Variants in XPC observed in about 807,000 individuals in gnomAD.
XPC encodes DNA repair protein complementing XP-C cells.
Under a neutral mutation model 95.8 loss-of-function variants are expected in XPC, and 76 were observed. The observed-to-expected ratio is 0.79, with a 90% CI of 0.66 to 0.96. The LOEUF (loss-of-function observed/expected upper bound fraction) is 0.96, where lower values mean the gene tolerates loss of function less well. Among genes scored for constraint, XPC ranks in the 40% least tolerant of loss-of-function variants. The pLI is 0.00. For missense variants in XPC, 1,146 were observed against 1,179.8 expected (o/e 0.97, Z 0.42); for synonymous variants, 442 against 442.1 (o/e 1.00, Z 0.00).
chr3:14,176,559 T>G (rs1332457623), intron 1 of XPC, among the ~76,000 whole-genome samples: 1 of 152,248 alleles, frequency 6.6e-6, no homozygotes, highest in Non-Finnish European at 1.5e-5. Context: ...TAGTAGATAC[T>G]CAAAAGATGT....
chr3:14,157,822 T>TCAACTCCACAACTTTTTACACTA (rs1695980591), intron 9 of XPC, among the ~76,000 whole-genome samples, 189 bp downstream of exon 9: 1 of 152,212 alleles, frequency 6.6e-6, no homozygotes, highest in Non-Finnish European at 1.5e-5. Context: ...AGTTCATCTT[T>TCAACTCCACAACTTTTTACACTA]CAACTCCACA....
chr3:14,159,754 G>T lies in XPC; in HGVS notation c.977C>A (p.Ser326Ter). 1 of 1,562,728 alleles carries T rather than the reference G, an allele frequency of 6.4e-7. No homozygotes were observed. The highest frequency in any genetic ancestry group is 8.7e-7 in the Non-Finnish European group (1 of 1,153,116). Residue 326 changes from serine (S) to a stop codon, truncating the protein, a stop_gained, in exon 8 of 16, where the codon TCA (serine) becomes TAA (stop). Transcript: ENST00000285021. LOFTEE classifies it high-confidence loss of function. ...VLSLQPIPLK[S>*]ATAKGKKPSK... is the part of the protein sequence containing the mutation. Reference sequence around the variant, plus strand: ...TGCGCACCTCACCTTTGCTGTTGCTGACTTCAGAGGAATTGGCTGTAGAGA... The same window carrying T: ...TGCGCACCTCACCTTTGCTGTTGCTTACTTCAGAGGAATTGGCTGTAGAGA...
intron 6 of XPC, 44 bp from the exon 7 acceptor site, chr3:14,164,977 AG>A: frequency 1.3e-6 from 2 of 1,568,718 alleles, no homozygotes; most frequent in Non-Finnish European, 8.6e-7. Flanking sequence ...GTCAGGGCAA[AG>A]GGGAATTTTC....
rs768979551 is a variant in XPC, at chr3:14,158,060, C to T, written c.1823G>A (p.Arg608Lys). The T allele has an allele frequency of 8.2e-5, 133 of 1,613,368 alleles. No individual in the cohort carries two copies. The Middle Eastern group carries it at 5.6e-3, about 68-fold the overall frequency. The part of the protein sequence containing the change: ...VDAEWWAETL[R>K]PYQSPFMDRE... ...GTCCATAAATGGGCTCTGGTATGGT[C>T]TCAAGGTCTCGGCCCACCACTCAGC... Residue 608 changes from arginine to lysine, a missense_variant, in exon 9 of 16, where the codon AGA becomes AAA. Arg to Lys is a conservative substitution (Grantham distance 26). Transcript: ENST00000285021. This position sits in a 1 kb window ranked among gnomAD's most constrained non-coding sequence, Gnocchi z 5.2.
Position 14,158,156 on chromosome 3 carries a change from C to G in XPC, c.1727G>C (p.Gly576Ala), listed in dbSNP as rs761163656. The change falls in exon 9 of 16, where the codon GGC (glycine) becomes GCC (alanine). Residue 576 changes from glycine (G) to alanine (A), a missense_variant. By Grantham distance (60) the Gly-to-Ala change is moderately conservative. Transcript: ENST00000285021. This position sits in a 1 kb window ranked among gnomAD's most constrained non-coding sequence, Gnocchi z 5.2. Reference sequence around the variant, plus strand: ...CCTCTGTGTGACATCTCGGACCCAGCCGTCACTGTCAATGCCCACCACATA... The same window carrying G: ...CCTCTGTGTGACATCTCGGACCCAGGCGTCACTGTCAATGCCCACCACATA... ...MTYVVGIDSDGWVRDVTQRYD... is the reference protein window; with the variant it reads ...MTYVVGIDSDAWVRDVTQRYD... The G allele has an allele frequency of 6.2e-7, 1 of 1,613,848 alleles. No homozygotes were observed. Among genetic ancestry groups the G allele is most frequent in the Non-Finnish European group, 8.5e-7 (1 of 1,179,906 alleles).
chr3:14,146,294 GC>G, intron 15 of XPC, 135 bp from the exon 16 acceptor site: 1 of 817,206 alleles, frequency 1.2e-6, no homozygotes, highest in Non-Finnish European at 1.9e-6. Flanking sequence ...ATGGGACAGG[GC>G]AGGGAGAGAG....
intron 2 of XPC, among the ~76,000 whole-genome samples, chr3:14,171,886 A>G (rs1696630106): frequency 1.3e-5 from 2 of 152,128 alleles, no homozygotes; most frequent in South Asian, 4.1e-4. Flanking sequence ...GAAAAGGAGA[A>G]GAGATGGATC....
At chr3:14,166,282 C>T (rs958188352) in intron 5 of XPC, among the ~76,000 whole-genome samples, 2 of 152,126 alleles carry the variant, frequency 1.3e-5, no homozygotes, top group Non-Finnish European at 2.9e-5. Flanking sequence ...ACCTGAGAGT[C>T]ATCTTCCCTT....
intron 7 of XPC, among the ~76,000 whole-genome samples, chr3:14,162,984 C>T (rs1258860852): frequency 1.3e-5 from 2 of 152,064 alleles, no homozygotes; most frequent in East Asian, 1.9e-4. Flanking sequence ...AAAAAAGATA[C>T]ACAAATGACC....
chr3:14,167,301 C>G (rs1696424225), intron 4 of XPC, 48 bp from the exon 5 acceptor site: 2 of 1,503,812 alleles, frequency 1.3e-6, no homozygotes, highest in East Asian at 4.7e-5. Flanking sequence ...GAACTGAAAC[C>G]AGACTCCACT....
intron 11 of XPC, among the ~76,000 whole-genome samples, chr3:14,150,361 A>C (rs1228879611): frequency 1.3e-5 from 2 of 152,184 alleles, no homozygotes; most frequent in Non-Finnish European, 2.9e-5. Context: ...TATTCTTCTC[A>C]TTCTTATAAC....
intron 1 of XPC, among the ~76,000 whole-genome samples, chr3:14,174,394 A>G (rs1378334282): frequency 1.3e-5 from 2 of 152,008 alleles, no homozygotes; most frequent in African/African-American, 4.8e-5. Flanking sequence ...TAGCCCTCTA[A>G]TAATAGGCAA....
chr3:14,172,689 T>C (rs1696659034), intron 2 of XPC, among the ~76,000 whole-genome samples, 178 bp downstream of exon 2: 2 of 152,220 alleles, frequency 1.3e-5, no homozygotes, highest in African/African-American at 4.8e-5. Flanking sequence ...TACTGCATGC[T>C]GTCACTGTTC....
In XPC at chr3:14,168,402, A is replaced by G. The variant is rs571150455; in HGVS notation, c.413-22T>C. On this transcript the variant is annotated intron_variant, in intron 3 of 15. Coordinates refer to ENST00000285021, the MANE Select transcript of XPC (RefSeq NM_004628.5). ...AGTTCTATCAACAAGCATTTTTAAAAATCAGTAATAGTAATAACAATAATA... is the reference window on the plus strand; with the variant it reads ...AGTTCTATCAACAAGCATTTTTAAAGATCAGTAATAGTAATAACAATAATA... 6.8e-6 allele frequency: 11 copies of G among 1,613,274 alleles called. No individual in the cohort carries two copies. In the African/African-American group the frequency reaches 1.3e-4, roughly 20 times the overall value.
chr3:14,177,631 C>T (rs975348963), intron 1 of XPC, among the ~76,000 whole-genome samples: 1 of 150,430 alleles, frequency 6.6e-6, no homozygotes, highest in African/African-American at 2.5e-5. Flanking sequence ...TCTTGTAGGC[C>T]AGGATAAAAC....
At position 14,148,598 on chromosome 3, in the gene XPC, G is replaced by C. The variant is rs1232809838; in HGVS notation, c.2384C>G (p.Thr795Ser). The change falls in exon 13 of 16, where the codon ACT (threonine) becomes AGT (serine). Residue 795 changes from threonine (T) to serine (S), a missense_variant. By Grantham distance (58) the Thr-to-Ser change is moderately conservative. Coordinates refer to ENST00000285021, the MANE Select transcript of XPC (RefSeq NM_004628.5). ...KLDIDCVQAI[T>S]GFDFHGGYSH... ...GTAGCCGCCATGGAAATCAAAGCCA[G>C]TGATGGCCTGGACACAGTCGATGTC... The C allele has an allele frequency of 3.7e-6, 6 of 1,613,908 alleles. No individual in the cohort carries two copies. The highest frequency in any genetic ancestry group is 3.4e-6 in the Non-Finnish European group (4 of 1,179,906).
At chr3:14,146,361 G>A (rs1199845862) in intron 15 of XPC, among the ~76,000 whole-genome samples, 2 of 152,032 alleles carry the variant, frequency 1.3e-5, no homozygotes, top group African/African-American at 2.4e-5. Flanking sequence ...GCAGACACTG[G>A]AGCACCTGCT....
At chr3:14,157,976 CTG>C (rs1574961103) in intron 9 of XPC, 33 bp downstream of exon 9, 1 of 1,560,276 alleles carries the variant, frequency 6.4e-7, no homozygotes, top group Non-Finnish European at 8.7e-7. Flanking sequence ...AATAACCTGA[CTG>C]TGTCTTGGAG....
chr3:14,146,936 A>AC (rs1414394317), intron 15 of XPC, among the ~76,000 whole-genome samples: 3 of 152,214 alleles, frequency 2.0e-5, no homozygotes, highest in African/African-American at 7.2e-5. Context: ...GGCCTGCAGC[A>AC]TGGTCACAGG....
Sources: allele counts gnomAD v4.1 joint callset (sites outside exome capture counted in the v4.1 genomes callset), GRCh38; gene constraint gnomAD v4.1.1; non-coding constraint Gnocchi (gnomAD v3.1); transcripts MANE v1.5; gene names NCBI Gene and HGNC (gene_info 2026-07-23, HGNC 2026-07-21).